Variants in LRRTM4 observed in about 807,000 individuals in gnomAD.
LRRTM4 encodes the protein leucine rich repeat transmembrane neuronal 4, also known as leucine-rich repeat transmembrane neuronal protein 4.
LRRTM4 carries 25 observed loss-of-function variants against 47.6 expected under a neutral mutation model. The observed-to-expected ratio is 0.53, with a 90% CI of 0.38 to 0.73. The LOEUF is 0.73. Among genes scored for constraint, LRRTM4 ranks in the 30% least tolerant of loss-of-function variants. The pLI is 0.00. For synonymous variants in LRRTM4, 311 were observed against 269.5 expected (o/e 1.15, Z -1.51); for missense variants, 638 against 713.4 (o/e 0.89, Z 1.20).
chr2:77,265,040 A>T (rs573308323), intron 3 of LRRTM4, among the ~76,000 whole-genome samples: 1 of 152,226 alleles, frequency 6.6e-6, no homozygotes, highest in Admixed American at 6.6e-5. Flanking sequence ...TGGCTTTTGT[A>T]AGTTGAGAAA....
At chr2:77,480,822 G>GGGGAGAGAGAGAGA (rs1553449523) in intron 3 of LRRTM4, among the ~76,000 whole-genome samples, 1 of 74,498 alleles carries the variant, frequency 1.3e-5, no homozygotes, top group Non-Finnish European at 2.4e-5. Flanking sequence ...GTGTGTGTGT[G>GGGGAGAGAGAGAGA]GAGAGAGAGA....
intron 3 of LRRTM4, among the ~76,000 whole-genome samples, chr2:76,789,844 C>A (rs1176246597): frequency 6.6e-6 from 1 of 152,138 alleles, no homozygotes; most frequent in Non-Finnish European, 1.5e-5. Flanking sequence ...TGGGAGATAA[C>A]TGAGTCTTTT....
chr2:77,205,700 G>A (rs1023572391), intron 3 of LRRTM4, among the ~76,000 whole-genome samples: 1 of 152,158 alleles, frequency 6.6e-6, no homozygotes, highest in African/African-American at 2.4e-5. Context: ...GGAAATCCAC[G>A]AAGTTTTCGA....
chr2:77,208,617 TATGA>T (rs1674207569), intron 3 of LRRTM4, among the ~76,000 whole-genome samples: 1 of 152,042 alleles, frequency 6.6e-6, no homozygotes, highest in African/African-American at 2.4e-5. Flanking sequence ...CACACATATA[TATGA>T]ATGTATGAGG....
rs1210028173 is a variant in LRRTM4 at position 77,128,148 on chromosome 2, A to AT, written c.1552-379233_1552-379232insA. 5.3e-5 allele frequency among the ~76,000 whole-genome samples: 8 copies of AT among 151,490 alleles called. No individual in the cohort carries two copies. The South Asian group carries it at 8.3e-4, about 16-fold the overall frequency. On this transcript the variant is annotated intron_variant, in intron 3 of 3. Transcript: ENST00000409884. ...ACAGAGCGAGACTCTGTCTCAAAAA[A>AT]AAAAACAAAACAAAACAAATGTTTT...
At chr2:76,904,975 C>G (rs1048626813) in intron 3 of LRRTM4, among the ~76,000 whole-genome samples, 3 of 152,082 alleles carry the variant, frequency 2.0e-5, no homozygotes, top group Admixed American at 2.0e-4. Flanking sequence ...GCATTTCCAT[C>G]TGAGCATTGA....
At chr2:76,833,814 A>C (rs918341991) in intron 3 of LRRTM4, among the ~76,000 whole-genome samples, 7 of 151,724 alleles carry the variant, frequency 4.6e-5, no homozygotes, top group African/African-American at 1.7e-4. Context: ...TAGCAAAATA[A>C]TATTTTAATA....
At chr2:77,087,125 T>C (rs1680744216) in intron 3 of LRRTM4, among the ~76,000 whole-genome samples, 2 of 152,182 alleles carry the variant, frequency 1.3e-5, no homozygotes, top group Non-Finnish European at 2.9e-5. Context: ...AGAAGCTTGT[T>C]TGTTATGCAT....
chr2:77,140,218 C>T (rs1672081056), intron 3 of LRRTM4, among the ~76,000 whole-genome samples: 2 of 152,180 alleles, frequency 1.3e-5, no homozygotes, highest in African/African-American at 4.8e-5. Flanking sequence ...TACCTGACTT[C>T]AAACTATACT....
chr2:76,796,389 A>C (rs1675328208), intron 3 of LRRTM4, among the ~76,000 whole-genome samples: 1 of 130,936 alleles, frequency 7.6e-6, no homozygotes, highest in Non-Finnish European at 1.6e-5. Context: ...AAAAGACAGC[A>C]GTAACCTCTG....
intron 3 of LRRTM4, among the ~76,000 whole-genome samples, chr2:76,775,925 A>C: frequency 7.3e-6 from 1 of 136,068 alleles, no homozygotes; most frequent in Admixed American, 8.0e-5. Flanking sequence ...ACCCCACAAC[A>C]GTCCCCAGAG....
At chr2:77,163,469 T>C (rs1054125345) in intron 3 of LRRTM4, among the ~76,000 whole-genome samples, 5 of 151,992 alleles carry the variant, frequency 3.3e-5, no homozygotes, top group Non-Finnish European at 7.4e-5. Context: ...TCAGGAAATA[T>C]AGAGAACTCC....
At chr2:76,825,498 T>C (rs1671168042) in intron 3 of LRRTM4, among the ~76,000 whole-genome samples, 1 of 151,662 alleles carries the variant, frequency 6.6e-6, no homozygotes, top group African/African-American at 2.4e-5. Context: ...GGAGTTGTCA[T>C]TTACTGAAAT....
intron 3 of LRRTM4, among the ~76,000 whole-genome samples, chr2:77,310,391 A>G (rs1217449489): frequency 1.3e-5 from 2 of 152,134 alleles, no homozygotes; most frequent in Non-Finnish European, 2.9e-5. Flanking sequence ...AGTTTTTATC[A>G]TTAGTTGTCA....
intron 3 of LRRTM4, among the ~76,000 whole-genome samples, chr2:77,215,156 G>A (rs1674401156): frequency 6.6e-6 from 1 of 151,988 alleles, no homozygotes; most frequent in Non-Finnish European, 1.5e-5. Flanking sequence ...TTAACAATAT[G>A]AGAACCTTTA....
rs555838043 is a variant in LRRTM4 at position 77,476,840 on chromosome 2, GAGTTA to G, written c.1551+41473_1551+41477del. Reference sequence around the variant, plus strand: ...AAGTAAATGGTGGTATTTTTTTAAGGAGTTAAGTTAAAATTAATTCTCTTTATTTT... The same window carrying G: ...AAGTAAATGGTGGTATTTTTTTAAGGAGTTAAAATTAATTCTCTTTATTTT... On this transcript the variant is annotated intron_variant, in intron 3 of 3. Transcript: ENST00000409884. Among the ~76,000 whole-genome samples, 6 of 152,104 alleles carry G rather than the reference GAGTTA, an allele frequency of 3.9e-5. No homozygotes were observed. In the East Asian group the frequency reaches 5.8e-4, roughly 15 times the overall value.
rs868760953 is a variant in LRRTM4 at position 76,907,225 on chromosome 2, A to G, written c.1552-158309T>C. ...TGCTCAACTACATGGAAACTGTACA[A>G]CCTGCTCCTGAATGACTACCAGGTA... On this transcript the variant is annotated intron_variant, in intron 3 of 3. Coordinates refer to ENST00000409884, the MANE Select transcript of LRRTM4 (RefSeq NM_001134745.3). Among the ~76,000 whole-genome samples, 116 of 152,190 alleles carry G rather than the reference A, an allele frequency of 7.6e-4. No individual in the cohort carries two copies. The Middle Eastern group carries it at 0.014, about 18-fold the overall frequency.
chr2:76,981,305 A>G (rs1676600089), intron 3 of LRRTM4, among the ~76,000 whole-genome samples: 1 of 152,122 alleles, frequency 6.6e-6, no homozygotes, highest in Middle Eastern at 3.2e-3. Context: ...ATTATTTCTT[A>G]ACTATCTCTC....
chr2:77,018,879 AT>A (rs1054937346), intron 3 of LRRTM4, among the ~76,000 whole-genome samples: 11 of 152,260 alleles, frequency 7.2e-5, no homozygotes, highest in Admixed American at 7.2e-4. Flanking sequence ...GTACAGGAAT[AT>A]TTTAGTCTAA....
Sources: allele counts gnomAD v4.1 joint callset (sites outside exome capture counted in the v4.1 genomes callset), GRCh38; gene constraint gnomAD v4.1.1; transcripts MANE v1.5; gene names NCBI Gene and HGNC (gene_info 2026-07-23, HGNC 2026-07-21).